Variants in ZNF846 observed in about 807,000 individuals in gnomAD.
ZNF846 encodes the protein zinc finger protein 420 pseudogene.
ZNF846 carries 15 observed loss-of-function variants against 16.0 expected under a neutral mutation model. The observed-to-expected ratio is 0.94, with a 90% confidence interval of 0.63 to 1.45. ZNF846 has a LOEUF of 1.45. Among genes scored for constraint, ZNF846 ranks in the 40% most tolerant of loss-of-function variants. ZNF846 has a pLI of 0.00. For missense variants in ZNF846, 714 were observed against 622.3 expected, an observed-to-expected ratio of 1.15 and a Z score of -1.57; for synonymous variants, 229 against 212.0, an observed-to-expected ratio of 1.08 and a Z score of -0.70.
chr19:9,763,556 A>G (rs545675760), intron 2 of ZNF846, 148 bp from the exon 3 acceptor site: 3 of 582,522 alleles, frequency 5.2e-6, no homozygotes, highest in Middle Eastern at 4.9e-4. Context: ...TTGTCTTGCA[A>G]TGGCATCCAA....
At chr19:9,760,249 A>G (rs1029994857) in intron 4 of ZNF846, among the ~76,000 whole-genome samples, 2 of 150,920 alleles carry the variant, frequency 1.3e-5, no homozygotes, top group African/African-American at 4.9e-5. Flanking sequence ...GGTGAGATCC[A>G]CCACTGCACT....
chr19:9,771,854 G>A (rs1186610026), upstream of ZNF846, among the ~76,000 whole-genome samples: 3 of 151,682 alleles, frequency 2.0e-5, no homozygotes, highest in African/African-American at 4.8e-5. Flanking sequence ...TGCAACCTCC[G>A]CCTCCTGGGT....
At chr19:9,764,455 C>G (rs148771600) in intron 2 of ZNF846, among the ~76,000 whole-genome samples, 1 of 152,304 alleles carries the variant, frequency 6.6e-6, no homozygotes, top group African/African-American at 2.4e-5. Flanking sequence ...TACAAATGTA[C>G]TGTACTTCTA....
downstream of ZNF846, among the ~76,000 whole-genome samples, chr19:9,752,958 G>C (rs1416610024): frequency 1.3e-5 from 2 of 148,302 alleles, no homozygotes; most frequent in African/African-American, 2.6e-5. Context: ...ATTTCTCCGA[G>C]TTCTGGAGAT....
chr19:9,757,878 C>T, exon 6 of ZNF846: 2 of 1,613,388 alleles, frequency 1.2e-6, no homozygotes, highest in Non-Finnish European at 1.7e-6. Flanking sequence ...AAAGGCTTTC[C>T]CACATTCTTT....
intron 1 of ZNF846, among the ~76,000 whole-genome samples, chr19:9,783,950 G>T (rs903756227): frequency 1.3e-5 from 2 of 151,974 alleles, no homozygotes; most frequent in Non-Finnish European, 2.9e-5. Context: ...CGATCTGCCC[G>T]CTTCGGCCTC....
intron 3 of ZNF846, 139 bp downstream of exon 3, chr19:9,763,143 T>G (rs2045257125): frequency 1.6e-6 from 1 of 622,452 alleles, no homozygotes; most frequent in Non-Finnish European, 2.3e-6. Context: ...AGACTGTGTC[T>G]CAAAAAAAAA....
At chr19:9,763,377 T>A (rs759338771) in exon 3 of ZNF846, 1 of 1,611,284 alleles carries the variant, frequency 6.2e-7, no homozygotes, top group South Asian at 1.1e-5. Context: ...CTGGGTAAAG[T>A]CCACAGCCAC....
At chr19:9,762,441 C>G in intron 3 of ZNF846, 1 of 286,110 alleles carries the variant, frequency 3.5e-6, no homozygotes, top group Non-Finnish European at 6.6e-6. Flanking sequence ...AGTTCAAGAC[C>G]AGCCTGGCCA....
downstream of ZNF846, among the ~76,000 whole-genome samples, chr19:9,751,262 C>T (rs2045081475): frequency 6.6e-6 from 1 of 152,146 alleles, no homozygotes; most frequent in African/African-American, 2.4e-5. Context: ...TCTAATCTCT[C>T]CCACTTTAGG....
rs939656218 is a variant in ZNF846, at chr19:9,766,898, C to CAA, written c.-86+1389_-86+1390dup. Among the ~76,000 whole-genome samples the CAA allele has an allele frequency of 3.0e-3, 282 of 92,692 alleles. 1 individual carries two copies. Among genetic ancestry groups the CAA allele is most frequent in the African/African-American group, 7.6e-3 (211 of 27,786 alleles). The allele number at this position is 92,692 out of a possible 152,430, so 60.8% of individuals were successfully genotyped here. A position where few individuals can be genotyped will look rare whatever the true frequency, so the allele number is the denominator to read the frequency against. ...CTGGCAACAGAGCAAGACTCTGTCT[C>CAA]AAAAAAAAAAAAAAAAAAGTGTTCT... On this transcript the variant is annotated intron_variant, in intron 1 of 5. Coordinates refer to ENST00000397902, the Ensembl canonical transcript of ZNF846.
intron 1 of ZNF846, among the ~76,000 whole-genome samples, chr19:9,765,607 A>G (rs989410017): frequency 6.6e-6 from 1 of 152,122 alleles, no homozygotes; most frequent in African/African-American, 2.4e-5. Context: ...CAGGTGGCAG[A>G]GTTTGCAGTG....
At chr19:9,771,940 G>A (rs369275302), upstream of ZNF846, among the ~76,000 whole-genome samples, 11 of 151,876 alleles carry the variant, frequency 7.2e-5, no homozygotes, top group African/African-American at 2.7e-4. Context: ...GCTAATTTTT[G>A]TATTTTTAGT....
chr19:9,776,693 C>G (rs1293712345), intron 1 of ZNF846, among the ~76,000 whole-genome samples: 3 of 152,170 alleles, frequency 2.0e-5, no homozygotes, highest in Non-Finnish European at 2.9e-5. Context: ...ATCTCTTAGT[C>G]TTGTGTCTTT....
chr19:9,750,197 G>C (rs554133807), downstream of ZNF846, among the ~76,000 whole-genome samples: 1 of 152,228 alleles, frequency 6.6e-6, no homozygotes, highest in South Asian at 2.1e-4. Flanking sequence ...CTAATGCTTA[G>C]GAAGACACCT....
At chr19:9,769,049 G>C (rs567737530), upstream of ZNF846, among the ~76,000 whole-genome samples, 23 of 152,304 alleles carry the variant, frequency 1.5e-4, no homozygotes, top group South Asian at 4.3e-3. Context: ...GCAGACAGCG[G>C]GATGCTCATC....
intron 3 of ZNF846, 108 bp downstream of exon 3, chr19:9,763,174 C>A: frequency 9.5e-7 from 1 of 1,048,300 alleles, no homozygotes; most frequent in Non-Finnish European, 1.3e-6. Flanking sequence ...TGTCCACTGG[C>A]CAAGGTCCAT....
downstream of ZNF846, chr19:9,752,130 A>G (rs1179863014): frequency 6.5e-6 from 1 of 153,010 alleles, no homozygotes; most frequent in African/African-American, 2.4e-5. Flanking sequence ...TCAAGAACAG[A>G]CTAATACACG....
At chr19:9,775,215 A>G (rs73507210) in intron 1 of ZNF846, among the ~76,000 whole-genome samples, 22,225 of 146,590 alleles carry the variant, frequency 0.15, 2,868 homozygotes, top group African/African-American at 0.36. Context: ...GTGTGTGTGT[A>G]TATATATATA....
Sources: gnomAD v4.1 joint callset for allele counts (sites outside exome capture counted in the v4.1 genomes callset) on GRCh38, gnomAD v4.1.1 for gene constraint, MANE v1.5 for transcripts, NCBI Gene and HGNC (gene_info 2026-07-23, HGNC 2026-07-21) for gene names.